The following PTPRG variants were observed in gnomAD, a reference collection of about 807,000 sequenced individuals.
The protein encoded by PTPRG is protein tyrosine phosphatase receptor type G.
A neutral mutation model predicts 165.3 loss-of-function variants in PTPRG; 102 were observed. That is an observed-to-expected ratio of 0.62 (90% CI 0.53 to 0.73). The LOEUF (loss-of-function observed/expected upper bound fraction) is 0.73, where lower values mean the gene tolerates loss of function less well. Among genes scored for constraint, PTPRG ranks in the 30% least tolerant of loss-of-function variants. The pLI is 0.00. For synonymous variants in PTPRG, 675 were observed against 669.5 expected, an observed-to-expected ratio of 1.01 and a Z score of -0.13; for missense variants, 1,866 against 1,861.4, an observed-to-expected ratio of 1.00 and a Z score of -0.05.
At chr3:61,569,358 G>C (rs896690563) in intron 1 of PTPRG, among the ~76,000 whole-genome samples, 2 of 152,146 alleles carry the variant, frequency 1.3e-5, no homozygotes, top group Admixed American at 1.3e-4. Flanking sequence ...CTGTGAAATG[G>C]GGTGGTGATA....
At chr3:61,874,124 C>T (rs926304221) in intron 2 of PTPRG, among the ~76,000 whole-genome samples, 1 of 152,174 alleles carries the variant, frequency 6.6e-6, no homozygotes, top group Non-Finnish European at 1.5e-5. Flanking sequence ...CAGAGTGCAT[C>T]CCATTGAGCC....
At chr3:62,216,378 C>G (rs1043167874) in intron 12 of PTPRG, among the ~76,000 whole-genome samples, 26 of 152,236 alleles carry the variant, frequency 1.7e-4, no homozygotes, top group African/African-American at 5.8e-4. Flanking sequence ...AGGCAAGAAT[C>G]CTGTTCTGTA....
In PTPRG at chr3:62,132,591, T is replaced by C. The variant is rs1475366042; in HGVS notation, c.616-11T>C. 1 of 1,595,428 alleles carries C rather than the reference T, an allele frequency of 6.3e-7. No homozygotes were observed. The highest frequency in any genetic ancestry group is 8.6e-7 in the Non-Finnish European group (1 of 1,163,004). On this transcript the variant is annotated splice_polypyrimidine_tract_variant and intron_variant, in intron 5 of 29. Coordinates refer to ENST00000474889, the MANE Select transcript of PTPRG (RefSeq NM_002841.4). ...AATAGATTTAACCAATCATGTTTCC[T>C]TTACATTTAGGTCAGTCCGAGGGAC...
intron 4 of PTPRG, among the ~76,000 whole-genome samples, chr3:62,004,975 AC>A (rs1328068084): frequency 1.3e-5 from 2 of 152,048 alleles, no homozygotes; most frequent in African/African-American, 2.4e-5. Context: ...CCATTTTTGA[AC>A]CCTCTAAGTA....
At chr3:62,083,136 T>G (rs1437259316) in intron 5 of PTPRG, among the ~76,000 whole-genome samples, 1 of 152,254 alleles carries the variant, frequency 6.6e-6, no homozygotes, top group Non-Finnish European at 1.5e-5. Context: ...ATAATTATTT[T>G]TTATTTGTTA....
At chr3:61,956,426 A>ATAC (rs2067174) in intron 2 of PTPRG, among the ~76,000 whole-genome samples, 50,924 of 151,708 alleles carry the variant, frequency 0.34, 9,306 homozygotes, top group African/African-American at 0.49. Flanking sequence ...ACTTTTGGTC[A>ATAC]TTACTATTCT....
intron 2 of PTPRG, among the ~76,000 whole-genome samples, chr3:61,893,224 T>G (rs1239185840): frequency 2.0e-5 from 3 of 152,216 alleles, no homozygotes; most frequent in Non-Finnish European, 4.4e-5. Context: ...GGAAAGTCAG[T>G]GTGTCTGCAA....
intron 28 of PTPRG, among the ~76,000 whole-genome samples, chr3:62,291,486 C>T (rs1237845351): frequency 2.0e-5 from 3 of 151,852 alleles, no homozygotes; most frequent in African/African-American, 7.3e-5. Context: ...GCTGTATCTA[C>T]ACGTGTAATA....
At chr3:61,979,445 C>G (rs2107675774) in intron 2 of PTPRG, among the ~76,000 whole-genome samples, 1 of 152,262 alleles carries the variant, frequency 6.6e-6, no homozygotes, top group Admixed American at 6.5e-5. Context: ...CTCATTTTCT[C>G]ATGGGCCTTG....
At chr3:62,071,238 C>A (rs1452854489) in intron 4 of PTPRG, among the ~76,000 whole-genome samples, 3 of 152,196 alleles carry the variant, frequency 2.0e-5, no homozygotes, top group Non-Finnish European at 4.4e-5. Context: ...TTTTCTTGGA[C>A]CATGTGTGGG....
intron 1 of PTPRG, among the ~76,000 whole-genome samples, chr3:61,696,219 A>T (rs373902002): frequency 6.6e-6 from 1 of 152,156 alleles, no homozygotes; most frequent in Non-Finnish European, 1.5e-5. Flanking sequence ...AATTCTAGCC[A>T]GGCCGGGCGC....
At chr3:61,698,138 A>G (rs1311397684) in intron 1 of PTPRG, among the ~76,000 whole-genome samples, 1 of 152,190 alleles carries the variant, frequency 6.6e-6, no homozygotes, top group Non-Finnish European at 1.5e-5. Flanking sequence ...TTAAATAAAT[A>G]TCTATGCTTT....
rs1031734446 is a variant in PTPRG, at chr3:61,732,324, T to A, written c.86-16554T>A. On this transcript the variant is annotated intron_variant, in intron 1 of 29. Coordinates refer to ENST00000474889, the MANE Select transcript of PTPRG (RefSeq NM_002841.4). ...CGGGCGCAGTGGCTCATGCCTGTAA[T>A]CCCAGCACTATGGGAGGCCGAGGTG... 2.0e-5 allele frequency among the ~76,000 whole-genome samples: 3 copies of A among 152,150 alleles called. No individual in the cohort carries two copies. In the East Asian group the frequency reaches 5.8e-4, roughly 29 times the overall value.
chr3:61,674,569 C>T (rs373467288), intron 1 of PTPRG, among the ~76,000 whole-genome samples: 8 of 151,170 alleles, frequency 5.3e-5, no homozygotes, highest in African/African-American at 1.9e-4. Flanking sequence ...GGAGACGATT[C>T]CCCAGTTGTC....
At chr3:61,628,534 A>G (rs898975380) in intron 1 of PTPRG, among the ~76,000 whole-genome samples, 3 of 152,110 alleles carry the variant, frequency 2.0e-5, no homozygotes, top group African/African-American at 4.8e-5. Context: ...GGGTTTTACC[A>G]TGTTGGCCAG....
At chr3:61,972,676 A>G (rs1182918336) in intron 2 of PTPRG, among the ~76,000 whole-genome samples, 2 of 140,586 alleles carry the variant, frequency 1.4e-5, no homozygotes, top group South Asian at 2.2e-4. Context: ...TTTTTGAGAC[A>G]TGGTCTCACT....
intron 1 of PTPRG, among the ~76,000 whole-genome samples, chr3:61,619,135 C>T (rs749337092): frequency 2.0e-5 from 3 of 151,830 alleles, no homozygotes; most frequent in Non-Finnish European, 4.4e-5. Context: ...CCAGCCTGGG[C>T]AAAACAGTAA....
intron 1 of PTPRG, among the ~76,000 whole-genome samples, chr3:61,576,617 T>C (rs1032943801): frequency 2.0e-5 from 3 of 152,356 alleles, no homozygotes; most frequent in African/African-American, 4.8e-5. Flanking sequence ...GAGAGGACTT[T>C]TGTGCCATCT....
chr3:61,589,960 G>T (rs78626394), intron 1 of PTPRG, among the ~76,000 whole-genome samples: 1 of 152,132 alleles, frequency 6.6e-6, no homozygotes, highest in Non-Finnish European at 1.5e-5. Context: ...GGAATCTGTG[G>T]TGAGAAGTTG....
Sources: gnomAD v4.1 joint callset for allele counts (sites outside exome capture counted in the v4.1 genomes callset) on GRCh38, gnomAD v4.1.1 for gene constraint, MANE v1.5 for transcripts, NCBI Gene and HGNC (gene_info 2026-07-23, HGNC 2026-07-21) for gene names.